The following IL7 variants were observed in gnomAD, a reference collection of about 807,000 sequenced individuals.
IL7 encodes the protein interleukin-7.
In IL7, 3 loss-of-function variants were observed where a neutral mutation model predicts 21.6. The observed-to-expected ratio is 0.14, with a 90% CI of 0.06 to 0.36. IL7 has a LOEUF of 0.36. Among genes scored for constraint, IL7 ranks in the 10% least tolerant of loss-of-function variants. IL7 has a pLI of 1.00. For missense variants in IL7, 175 were observed against 200.2 expected, an observed-to-expected ratio of 0.87 and a Z score of 0.76; for synonymous variants, 62 against 68.1, an observed-to-expected ratio of 0.91 and a Z score of 0.44.
At chr8:78,738,200 A>T (rs967084144) in intron 4 of IL7, among the ~76,000 whole-genome samples, 1 of 152,196 alleles carries the variant, frequency 6.6e-6, no homozygotes, top group African/African-American at 2.4e-5. Flanking sequence ...AGTTTTAGAT[A>T]TAGAAATTTA....
chr8:78,800,755 T>G (rs1814028272), intron 1 of IL7, among the ~76,000 whole-genome samples: 1 of 152,220 alleles, frequency 6.6e-6, no homozygotes, highest in African/African-American at 2.4e-5. Context: ...CCAAAAGGTA[T>G]ACTTCGGGAG....
At chr8:78,759,009 G>T (rs991488631) in intron 2 of IL7, among the ~76,000 whole-genome samples, 1 of 150,512 alleles carries the variant, frequency 6.6e-6, no homozygotes, top group African/African-American at 2.4e-5. Flanking sequence ...TTGCTTTATG[G>T]TGTCCTATAT....
chr8:78,681,062 A>G (rs922866189), intron 4 of IL7, among the ~76,000 whole-genome samples: 5 of 152,064 alleles, frequency 3.3e-5, no homozygotes, highest in African/African-American at 1.2e-4. Context: ...GGCCTAACAT[A>G]AAAGGCTGTG....
In IL7 at chr8:78,733,137, C is replaced by G. The variant is rs907667495; in HGVS notation, c.*576G>C. 1 of 151,994 alleles carries G rather than the reference C, an allele frequency of 6.6e-6. No homozygotes were observed. The allele number at this position is 151,994 out of a possible 1,614,324, so 9.4% of individuals were successfully genotyped here. A position where few individuals can be genotyped will look rare whatever the true frequency, so the allele number is the denominator to read the frequency against. Reference sequence around the variant, plus strand: ...GTTACACATTCATGATTAATTAAATCTCTTGAAATCTCTTTTAGGTATCTT... The same window carrying G: ...GTTACACATTCATGATTAATTAAATGTCTTGAAATCTCTTTTAGGTATCTT... On this transcript the variant is annotated 3_prime_UTR_variant, in exon 6 of 6. Coordinates refer to ENST00000263851, the MANE Select transcript of IL7 (RefSeq NM_000880.4).
chr8:78,784,362 G>T (rs1586103203), intron 2 of IL7, among the ~76,000 whole-genome samples: 2 of 152,238 alleles, frequency 1.3e-5, no homozygotes, highest in South Asian at 4.1e-4. Context: ...GAACTGTGAG[G>T]AATAAATTTC....
chr8:78,796,856 G>A (rs1287954606), intron 2 of IL7, among the ~76,000 whole-genome samples: 1 of 151,970 alleles, frequency 6.6e-6, no homozygotes, highest in Non-Finnish European at 1.5e-5. Context: ...GTTTTGTACA[G>A]AGCTAAACAC....
At chr8:78,713,795 C>T (rs558776863), downstream of IL7, among the ~76,000 whole-genome samples, 44 of 152,108 alleles carry the variant, frequency 2.9e-4, no homozygotes, top group Non-Finnish European at 5.6e-4. Context: ...CTACTCTGGC[C>T]ACGTAGTAGC....
At chr8:78,687,351 TTTA>T (rs1277187332) in intron 3 of IL7, among the ~76,000 whole-genome samples, 1 of 151,206 alleles carries the variant, frequency 6.6e-6, no homozygotes, top group South Asian at 2.1e-4. Context: ...TTTTTGACAT[TTTA>T]TTGTAGAGGA....
intron 4 of IL7, among the ~76,000 whole-genome samples, chr8:78,685,202 T>TG (rs1314680430): frequency 6.6e-6 from 1 of 152,100 alleles, no homozygotes; most frequent in Non-Finnish European, 1.5e-5. Context: ...TCAATTCTGT[T>TG]GTGGGGGGAC....
intron 4 of IL7, among the ~76,000 whole-genome samples, chr8:78,683,999 G>T (rs905123703): frequency 6.6e-6 from 1 of 152,158 alleles, no homozygotes; most frequent in Non-Finnish European, 1.5e-5. Flanking sequence ...GGACTTTGTT[G>T]TCCATATCAC....
intron 2 of IL7, among the ~76,000 whole-genome samples, chr8:78,778,841 G>A (rs890810725): frequency 6.6e-6 from 1 of 152,030 alleles, no homozygotes; most frequent in Non-Finnish European, 1.5e-5. Flanking sequence ...GGGCAGTATG[G>A]CCATTTTCAC....
At chr8:78,802,375 G>T (rs1814095195) in intron 1 of IL7, among the ~76,000 whole-genome samples, 1 of 151,790 alleles carries the variant, frequency 6.6e-6, no homozygotes, top group Non-Finnish European at 1.5e-5. Context: ...ATTTATAGAT[G>T]GAGAATCTGG....
rs781253947 is a variant in IL7 at position 78,686,543 on chromosome 8, G to T, written n.215-596C>A. 9 of 1,548,128 alleles carry T rather than the reference G, an allele frequency of 5.8e-6. No homozygotes were observed. The Admixed American group carries it at 1.6e-4, about 28-fold the overall frequency. ...ATTGCTACCATAAGAGCAGCTAAAG[G>T]CCTTGATCAGGCCCTCAAAGAGGGT... On this transcript the variant is annotated intron_variant and non_coding_transcript_variant, in intron 3 of 4. Transcript: ENST00000523959.
rs1811671435 is a variant in IL7, at chr8:78,738,567, A to G, written c.297T>C (p.Asp99=). 3.1e-6 allele frequency: 5 copies of G among 1,613,664 alleles called. No homozygotes were observed. In the East Asian group the frequency reaches 1.1e-4, roughly 36 times the overall value. ...RQFLKMNSTG[D]FDLHLLKVSE... is the part of the protein sequence containing the mutation. ...AAACTTTTAATAAGTGGAGATCAAAATCACCAGTGCTATTCATTTTAAGAA... is the reference window on the plus strand; with the variant it reads ...AAACTTTTAATAAGTGGAGATCAAAGTCACCAGTGCTATTCATTTTAAGAA... Residue 99 remains aspartate (D), a synonymous_variant, in exon 4 of 6, where the codon GAT becomes GAC. Transcript: ENST00000263851.
chr8:78,750,838 A>C (rs1177566627), intron 2 of IL7, among the ~76,000 whole-genome samples: 1 of 152,232 alleles, frequency 6.6e-6, no homozygotes, highest in Admixed American at 6.5e-5. Flanking sequence ...AAAGAAAATA[A>C]ATAAAGTCTA....
At chr8:78,743,941 A>G (rs1453417162) in intron 2 of IL7, among the ~76,000 whole-genome samples, 2 of 152,194 alleles carry the variant, frequency 1.3e-5, no homozygotes, top group Non-Finnish European at 2.9e-5. Flanking sequence ...CAAAGATGGC[A>G]GCCTGCCACT....
chr8:78,711,919 C>T, intron 3 of IL7: 2 of 970,178 alleles, frequency 2.1e-6, no homozygotes, highest in South Asian at 1.4e-5. Context: ...AGAATAATGT[C>T]TTTTAAAAAA....
At chr8:78,686,304 C>T (rs1256322798) in intron 3 of IL7, among the ~76,000 whole-genome samples, 1 of 152,068 alleles carries the variant, frequency 6.6e-6, no homozygotes, top group Non-Finnish European at 1.5e-5. Context: ...AATGTAGTTG[C>T]ATAAAGTTTC....
chr8:78,739,606 C>T (rs1319980312), intron 3 of IL7, among the ~76,000 whole-genome samples: 1 of 151,494 alleles, frequency 6.6e-6, no homozygotes, highest in East Asian at 1.9e-4. Context: ...GCAGGAGAAT[C>T]GCTTGAAACC....
Sources: gnomAD v4.1 joint callset for allele counts (sites outside exome capture counted in the v4.1 genomes callset) on GRCh38, gnomAD v4.1.1 for gene constraint, MANE v1.5 for transcripts, NCBI Gene and HGNC (gene_info 2026-07-23, HGNC 2026-07-21) for gene names.